MAP6: variants seen among roughly 807,000 people sequenced by gnomAD.
MAP6 encodes the protein microtubule-associated protein 6.
A neutral mutation model predicts 42.4 loss-of-function variants in MAP6; 26 were observed. That is an observed-to-expected ratio of 0.61 (90% confidence interval 0.45 to 0.85). The LOEUF (loss-of-function observed/expected upper bound fraction) is 0.85, where lower values mean the gene tolerates loss of function less well. MAP6 is among the 40% of genes least tolerant of loss of function. MAP6 has a pLI of 0.00. For synonymous variants in MAP6, 418 were observed against 443.8 expected, an observed-to-expected ratio of 0.94 and a Z score of 0.73; for missense variants, 966 against 1,099.0, an observed-to-expected ratio of 0.88 and a Z score of 1.71.
intron 3 of MAP6, among the ~76,000 whole-genome samples, chr11:75,590,423 G>C (rs1942456791): frequency 6.6e-6 from 1 of 152,130 alleles, no homozygotes; most frequent in Non-Finnish European, 1.5e-5. Flanking sequence ...CACAAAGAAG[G>C]CCAGCCCTGC....
chr11:75,602,323 CTGT>C (rs1255735793), intron 3 of MAP6, among the ~76,000 whole-genome samples: 2 of 152,190 alleles, frequency 1.3e-5, no homozygotes, highest in Non-Finnish European at 2.9e-5. Flanking sequence ...ACTACCTGAT[CTGT>C]TGTTGCTTGG....
Position 75,608,198 on chromosome 11 carries a change from C to A in MAP6, c.1030G>T (p.Ala344Ser). ...TSYSAQFKGEASKPTTADNKV... is the reference protein window; with the variant it reads ...TSYSAQFKGESSKPTTADNKV... ...TTGTCAGCTGTTGTTGGCTTGCTGG[C>A]CTCTCCTTTGAACTGAGCACTGTAG... is the stretch of plus-strand genomic sequence containing the variant. Residue 344 changes from alanine to serine, a missense_variant, in exon 2 of 4, where the codon GCC (alanine) becomes TCC (serine). Transcript: ENST00000304771. The A allele has an allele frequency of 6.2e-7, 1 of 1,614,202 alleles. No individual in the cohort carries two copies. Among genetic ancestry groups the A allele is most frequent in the Middle Eastern group, 1.6e-4 (1 of 6,062 alleles).
intron 1 of MAP6, among the ~76,000 whole-genome samples, chr11:75,609,469 G>A (rs148654238): frequency 2.0e-5 from 3 of 152,222 alleles, no homozygotes; most frequent in Admixed American, 6.5e-5. Context: ...CAAGGAGGCC[G>A]CAGGAGGCAG....
intron 1 of MAP6, among the ~76,000 whole-genome samples, chr11:75,646,372 C>A (rs1185303586): frequency 6.6e-6 from 1 of 151,898 alleles, no homozygotes; most frequent in Non-Finnish European, 1.5e-5. Flanking sequence ...ATTCAAGAAG[C>A]AACGGCTGGC....
rs1269699441 is a variant in MAP6 at position 75,590,316 on chromosome 11, A to G, written c.1317-2132T>C. 1.4e-4 allele frequency among the ~76,000 whole-genome samples: 21 copies of G among 152,192 alleles called. No individual in the cohort carries two copies. In the East Asian group the frequency reaches 3.1e-3, roughly 22 times the overall value. On this transcript the variant is annotated intron_variant, in intron 3 of 3. Coordinates refer to ENST00000304771, the MANE Select transcript of MAP6 (RefSeq NM_033063.2). ...TGAGGAAGCTGAGAAGGGACAAAAG[A>G]AAAAAAAGGGAGCTTAACTCCATCT...
At chr11:75,649,445 T>C (rs888645338) in intron 1 of MAP6, among the ~76,000 whole-genome samples, 1 of 152,138 alleles carries the variant, frequency 6.6e-6, no homozygotes, top group African/African-American at 2.4e-5. Flanking sequence ...AGAAGCAGAA[T>C]GGGTCTGGGC....
chr11:75,623,516 G>C lies in MAP6; in HGVS notation c.906-15194C>G, dbSNP rs369929678. ...CTCCCTTTGCAAGGAGGTGATCCCT[G>C]CCTCCTCTGATGCTCACCTTCTTTG... On this transcript the variant is annotated intron_variant, in intron 1 of 3. Coordinates refer to ENST00000304771, the MANE Select transcript of MAP6 (RefSeq NM_033063.2). 3.9e-5 allele frequency among the ~76,000 whole-genome samples: 6 copies of C among 152,242 alleles called. No homozygotes were observed. The East Asian group carries it at 1.2e-3, about 29-fold the overall frequency.
intron 3 of MAP6, among the ~76,000 whole-genome samples, chr11:75,602,306 G>A (rs1183339930): frequency 1.3e-5 from 2 of 152,102 alleles, no homozygotes; most frequent in African/African-American, 2.4e-5. Context: ...CTTCATCTGA[G>A]TTCCCAACTA....
intron 2 of MAP6, among the ~76,000 whole-genome samples, 169 bp downstream of exon 2, chr11:75,607,940 G>T (rs1398201832): frequency 2.0e-5 from 3 of 152,174 alleles, no homozygotes; most frequent in Non-Finnish European, 4.4e-5. Flanking sequence ...TTTAACAAAG[G>T]TTCCTATTGA....
chr11:75,613,906 T>C (rs953117343), intron 1 of MAP6, among the ~76,000 whole-genome samples: 1 of 152,220 alleles, frequency 6.6e-6, no homozygotes, highest in African/African-American at 2.4e-5. Context: ...AAGACTTTTC[T>C]GGGCTGCTCC....
chr11:75,606,370 GT>G (rs781569320), intron 2 of MAP6, among the ~76,000 whole-genome samples: 72 of 152,288 alleles, frequency 4.7e-4, no homozygotes, highest in Admixed American at 1.2e-3. Context: ...TTTTGCTTTA[GT>G]CAATGAAATG....
intron 1 of MAP6, among the ~76,000 whole-genome samples, chr11:75,613,089 C>T (rs905193186): frequency 7.2e-5 from 11 of 152,346 alleles, no homozygotes; most frequent in Admixed American, 3.3e-4. Flanking sequence ...CCAATCCCTG[C>T]CTGTCTCCCA....
intron 3 of MAP6, among the ~76,000 whole-genome samples, chr11:75,599,308 C>T (rs775918107): frequency 2.0e-5 from 3 of 152,144 alleles, no homozygotes; most frequent in Non-Finnish European, 4.4e-5. Flanking sequence ...AGCTCAATTC[C>T]ACTGGCTGAA....
At chr11:75,619,651 T>A (rs930024667) in intron 1 of MAP6, among the ~76,000 whole-genome samples, 2 of 152,168 alleles carry the variant, frequency 1.3e-5, no homozygotes, top group Admixed American at 6.6e-5. Flanking sequence ...GATAATGGCC[T>A]CCAGCTCCAT....
At chr11:75,634,044 C>T (rs911478937) in intron 1 of MAP6, among the ~76,000 whole-genome samples, 1 of 152,100 alleles carries the variant, frequency 6.6e-6, no homozygotes, top group East Asian at 1.9e-4. Context: ...GAGACTCCTT[C>T]GATAGTCCAG....
chr11:75,628,908 AG>A (rs1943240470), intron 1 of MAP6, among the ~76,000 whole-genome samples: 1 of 152,202 alleles, frequency 6.6e-6, no homozygotes, highest in Non-Finnish European at 1.5e-5. Flanking sequence ...CTTTAATAAT[AG>A]ATTTGCTTGA....
intron 1 of MAP6, among the ~76,000 whole-genome samples, chr11:75,631,195 C>G (rs1419329116): frequency 2.0e-5 from 3 of 152,172 alleles, no homozygotes; most frequent in Non-Finnish European, 4.4e-5. Flanking sequence ...GATAGGACTG[C>G]AGGCATATCT....
At chr11:75,658,910 C>T (rs1943796781) in intron 1 of MAP6, among the ~76,000 whole-genome samples, 1 of 152,170 alleles carries the variant, frequency 6.6e-6, no homozygotes, top group African/African-American at 2.4e-5. Flanking sequence ...AGACTTAACC[C>T]CTCTCTTCTC....
intron 1 of MAP6, among the ~76,000 whole-genome samples, chr11:75,661,829 C>T (rs1437230126): frequency 6.6e-6 from 1 of 151,110 alleles, no homozygotes; most frequent in Non-Finnish European, 1.5e-5. Context: ...CAGAGCAACA[C>T]ACACAAAAAA....
Sources: gnomAD v4.1 joint callset for allele counts (sites outside exome capture counted in the v4.1 genomes callset) on GRCh38, gnomAD v4.1.1 for gene constraint, MANE v1.5 for transcripts, NCBI Gene and HGNC (gene_info 2026-07-23, HGNC 2026-07-21) for gene names.